IGF2R: variants seen among roughly 807,000 people sequenced by gnomAD.
IGF2R encodes the protein insulin like growth factor 2 receptor.
A neutral mutation model predicts 270.6 loss-of-function variants in IGF2R; 91 were observed. The ratio of observed to expected loss-of-function variants is 0.34; its 90% confidence interval spans 0.28 to 0.40. IGF2R has a LOEUF of 0.40. Ranked by LOEUF, IGF2R falls within the 10% of genes least tolerant of loss-of-function variation. The probability of loss-of-function intolerance (pLI) is 1.00; values close to 1 mark genes in which losing one functional copy is unlikely to be tolerated. For missense variants in IGF2R, 2,805 were observed against 3,188.3 expected (o/e 0.88, Z 2.90); for synonymous variants, 1,316 against 1,258.9 (o/e 1.05, Z -0.96).
intron 16 of IGF2R, 113 bp from the exon 17 acceptor site, chr6:160,047,679 T>G: frequency 1.3e-6 from 1 of 750,098 alleles, no homozygotes; most frequent in South Asian, 1.5e-5. Flanking sequence ...CAGACTAAGC[T>G]TTTCTTCACA....
Position 159,991,239 on chromosome 6 carries a change from T to TGTGGAA in IGF2R, c.209_214dup (p.Gly70_Ser71dup). The TGTGGAA allele has an allele frequency of 6.2e-7, 1 of 1,613,598 alleles. No homozygotes were observed. Among genetic ancestry groups the TGTGGAA allele is most frequent in the Non-Finnish European group, 8.5e-7 (1 of 1,179,632 alleles). On this transcript the variant is annotated inframe_insertion, in exon 2 of 48. Transcript: ENST00000356956. ...TAATGTACTTTATAAAATCAACATC[T>TGTGGAA]GTGGAAGTGTGGATATTGTCCAGTG... is the stretch of plus-strand genomic sequence containing the variant.
Position 160,043,144 on chromosome 6 carries a change from A to G in IGF2R, c.1481-4A>G, listed in dbSNP as rs1441354360. 6.2e-7 allele frequency: 1 copy of G among 1,613,904 alleles called. No individual in the cohort carries two copies. The highest frequency in any genetic ancestry group is 8.5e-7 in the Non-Finnish European group (1 of 1,179,866). Reference sequence around the variant, plus strand: ...GGCTAAAATACACTTTTGTTTTGTTACAGAACCAGAGCAGAATTGGGAAGC... The same window carrying G: ...GGCTAAAATACACTTTTGTTTTGTTGCAGAACCAGAGCAGAATTGGGAAGC... On this transcript the variant is annotated splice_polypyrimidine_tract_variant and splice_region_variant and intron_variant, in intron 11 of 47. Coordinates refer to ENST00000356956, the MANE Select transcript of IGF2R (RefSeq NM_000876.4).
At chr6:160,047,769 T>G (rs1778101123) in intron 16 of IGF2R, 23 bp from the exon 17 acceptor site, 1 of 1,425,622 alleles carries the variant, frequency 7.0e-7, no homozygotes. Context: ...TTGCCATCCC[T>G]CCGCGCATCT....
At chr6:160,101,017 C>T (rs1162362724) in intron 45 of IGF2R, among the ~76,000 whole-genome samples, 1 of 151,374 alleles carries the variant, frequency 6.6e-6, no homozygotes, top group Admixed American at 6.6e-5. Flanking sequence ...GTCTCAAACT[C>T]CTGACCTCAG....
chr6:160,033,205 C>T (rs1025643250), intron 9 of IGF2R, 98 bp downstream of exon 9: 17 of 774,704 alleles, frequency 2.2e-5, no homozygotes, highest in Middle Eastern at 2.4e-4. Flanking sequence ...GGTGCAATCT[C>T]GGTGCATTGC....
chr6:160,041,916 A>G (rs1777955129), intron 11 of IGF2R, among the ~76,000 whole-genome samples: 2 of 151,890 alleles, frequency 1.3e-5, no homozygotes, highest in Admixed American at 1.3e-4. Flanking sequence ...GCATCCAACC[A>G]CATTTGCTTG....
intron 4 of IGF2R, among the ~76,000 whole-genome samples, chr6:160,024,039 G>A (rs1777496611): frequency 6.6e-6 from 1 of 152,224 alleles, no homozygotes; most frequent in South Asian, 2.1e-4. Flanking sequence ...AAGAGACCAT[G>A]TAACGGGAAG....
chr6:160,017,822 C>T (rs1242788922), intron 4 of IGF2R, among the ~76,000 whole-genome samples: 10 of 152,216 alleles, frequency 6.6e-5, no homozygotes, highest in African/African-American at 1.9e-4. Context: ...GGGAATTTGT[C>T]AGTACTAGAT....
intron 30 of IGF2R, 75 bp downstream of exon 30, chr6:160,068,460 C>T (rs960620346): frequency 1.3e-6 from 2 of 1,574,016 alleles, no homozygotes; most frequent in East Asian, 4.5e-5. Context: ...GAGGGGGCCT[C>T]CTCGTGGGGT....
intron 2 of IGF2R, among the ~76,000 whole-genome samples, chr6:159,992,635 C>A (rs1246943473): frequency 1.3e-5 from 2 of 152,128 alleles, no homozygotes; most frequent in African/African-American, 4.8e-5. Flanking sequence ...CACACAAACA[C>A]ACACCACATT....
intron 2 of IGF2R, among the ~76,000 whole-genome samples, chr6:159,997,083 A>G (rs1239269879): frequency 6.6e-6 from 1 of 152,160 alleles, no homozygotes; most frequent in African/African-American, 2.4e-5. Flanking sequence ...GGCTGGAAGC[A>G]TACTCCTCCC....
intron 2 of IGF2R, among the ~76,000 whole-genome samples, chr6:159,994,406 T>C (rs1270718390): frequency 6.6e-6 from 1 of 152,138 alleles, no homozygotes; most frequent in African/African-American, 2.4e-5. Context: ...CCAACTTTGT[T>C]TTGTTGATCC....
chr6:160,065,550 A>C lies in IGF2R; in HGVS notation c.4115+649A>C, dbSNP rs1362676812. Among the ~76,000 whole-genome samples the C allele has an allele frequency of 2.6e-5, 4 of 152,254 alleles. No individual in the cohort carries two copies. In the East Asian group the frequency reaches 7.7e-4, roughly 29 times the overall value. On this transcript the variant is annotated intron_variant, in intron 29 of 47. Transcript: ENST00000356956. ...AATTTATGTTCAGTGACTTTAAATC[A>C]TAATTTTAGTAACCTTACCTTTTCC...
At chr6:160,041,258 G>T (rs1777939533) in intron 11 of IGF2R, among the ~76,000 whole-genome samples, 1 of 152,018 alleles carries the variant, frequency 6.6e-6, no homozygotes, top group Admixed American at 6.6e-5. Context: ...CTGATGGGGG[G>T]GATTTCTGGT....
intron 20 of IGF2R, among the ~76,000 whole-genome samples, chr6:160,057,344 A>G (rs113440333): frequency 1.3e-5 from 2 of 152,302 alleles, no homozygotes; most frequent in African/African-American, 2.4e-5. Context: ...AGCACCGTGT[A>G]TATTTCTTTA....
chr6:160,067,226 A>T (rs1220849829), intron 29 of IGF2R, among the ~76,000 whole-genome samples: 1 of 151,862 alleles, frequency 6.6e-6, no homozygotes, highest in Non-Finnish European at 1.5e-5. Flanking sequence ...CCCTTTGCTC[A>T]TGCTGTTCTC....
At position 160,064,879 on chromosome 6, in the gene IGF2R, G is replaced by A. The variant is rs780871638; in HGVS notation, c.4093G>A (p.Asp1365Asn). Residue 1365 changes from aspartate to asparagine, a missense_variant, in exon 29 of 48, where the codon GAT (aspartate) becomes AAT (asparagine). Coordinates refer to ENST00000356956, the MANE Select transcript of IGF2R (RefSeq NM_000876.4). ...AACGCAGTATGCCTGCCCACCTTTC[G>A]ATCTGACTGAATGTTCATTCAAGTA... is the stretch of plus-strand genomic sequence containing the variant. ...WRTQYACPPF[D>N]LTECSFKDGA... is the part of the protein sequence containing the mutation. The A allele has an allele frequency of 2.2e-5, 36 of 1,610,912 alleles. No individual in the cohort carries two copies. The highest frequency in any genetic ancestry group is 7.6e-6 in the Non-Finnish European group (9 of 1,177,152).
chr6:160,002,643 T>C (rs1239549067), intron 2 of IGF2R, among the ~76,000 whole-genome samples: 1 of 152,196 alleles, frequency 6.6e-6, no homozygotes, highest in Non-Finnish European at 1.5e-5. Flanking sequence ...GTACCTCAGA[T>C]GTCTGGCTTA....
In IGF2R at chr6:160,068,063, GGGGTGTGTGTGT is replaced by G. The variant is rs1243404945; in HGVS notation, c.4116-184_4116-173del. Among the ~76,000 whole-genome samples the G allele has an allele frequency of 6.7e-3, 636 of 95,256 alleles. 5 individuals carry two copies. The highest frequency in any genetic ancestry group is 0.021 in the African/African-American group (516 of 24,180). 62.5% of individuals were successfully genotyped at this position (95,256 alleles called of 152,430 possible). ...GTTATGTTGTTGCTGATTCTGATGGGGGGTGTGTGTGTGTGTGTGTGTGTGTGTGTGTGTGTG... is the reference window on the plus strand; with the variant it reads ...GTTATGTTGTTGCTGATTCTGATGGGGTGTGTGTGTGTGTGTGTGTGTGTG... On this transcript the variant is annotated intron_variant, in intron 29 of 47. Transcript: ENST00000356956.
Sources: allele counts gnomAD v4.1 joint callset (sites outside exome capture counted in the v4.1 genomes callset), GRCh38; gene constraint gnomAD v4.1.1; transcripts MANE v1.5; gene names NCBI Gene and HGNC (gene_info 2026-07-23, HGNC 2026-07-21).